Variants in XKRX observed in about 807,000 individuals in gnomAD.
The protein encoded by XKRX is XK-related protein 2.
A neutral mutation model predicts 22.4 loss-of-function variants in XKRX; 11 were observed. The ratio of observed to expected loss-of-function variants is 0.49; its 90% CI spans 0.31 to 0.81. The LOEUF (loss-of-function observed/expected upper bound fraction) is 0.81. Among genes scored for constraint, XKRX ranks in the 40% least tolerant of loss-of-function variants. XKRX has a pLI of 0.05. For synonymous variants in XKRX, 114 were observed against 132.2 expected (o/e 0.86, Z 0.94); for missense variants, 320 against 336.5 (o/e 0.95, Z 0.38).
chrX:100,899,206 A>C, the XKRX span, among the ~76,000 whole-genome samples: 1 of 112,889 alleles, frequency 8.9e-6, no homozygotes, highest in Non-Finnish European at 1.9e-5. Context: ...ATTTTAAATA[A>C]ACTGTCTTAA....
At chrX:100,930,287 T>TTAA (rs59300334), upstream of XKRX, among the ~76,000 whole-genome samples, 14,817 of 85,382 alleles carry the variant, frequency 0.17, 1,150 homozygotes, top group Admixed American at 0.23. Context: ...AGATTACGTC[T>TTAA]TAATAATAAT....
At chrX:100,948,230 A>G in the XKRX span, among the ~76,000 whole-genome samples, 2 of 111,661 alleles carry the variant, frequency 1.8e-5, no homozygotes, top group African/African-American at 3.3e-5. Flanking sequence ...TTTCATTGAC[A>G]ATAAATGCAC....
intron 1 of XKRX, among the ~76,000 whole-genome samples, chrX:100,925,237 T>A (rs962941227): frequency 2.7e-5 from 3 of 111,949 alleles, no homozygotes; most frequent in African/African-American, 9.7e-5. Flanking sequence ...TTTTCTGGTT[T>A]AAGTAAGGGT....
At chrX:100,918,574 A>G (rs1236964820) in intron 2 of XKRX, among the ~76,000 whole-genome samples, 4 of 111,796 alleles carry the variant, frequency 3.6e-5, no homozygotes, top group African/African-American at 1.3e-4. Flanking sequence ...GGAGGCAAAC[A>G]CCCTGAATTC....
rs186476966 is a variant in XKRX at position 100,922,962 on chromosome X, G to A, written c.435C>T (p.Gly145=). Residue 145 remains glycine (G), a synonymous_variant, in exon 2 of 3, where the codon GGC becomes GGT. Transcript: ENST00000372956. ...SLTRKKMLID[G]EEVLIEWEVG... ...CCTCCCATTCTATCAGCACCTCCTC[G>A]CCATCTATTAGCATCTTCTTTCGGG... is the stretch of plus-strand genomic sequence containing the variant. The A allele has an allele frequency of 8.9e-5, 108 of 1,209,645 alleles. No homozygotes were observed. Among genetic ancestry groups the A allele is most frequent in the Non-Finnish European group, 1.1e-4 (97 of 895,094 alleles).
the XKRX span, among the ~76,000 whole-genome samples, chrX:100,889,788 G>C: frequency 9.0e-6 from 1 of 111,527 alleles, no homozygotes; most frequent in African/African-American, 3.3e-5. Context: ...TGGATAGCTT[G>C]AGCCCAGGAG....
At chrX:100,906,757 T>C in the XKRX span, among the ~76,000 whole-genome samples, 1 of 111,369 alleles carries the variant, frequency 9.0e-6, no homozygotes, top group African/African-American at 3.3e-5. Context: ...GAAACAGCCA[T>C]GTCAGAAGGG....
the XKRX span, among the ~76,000 whole-genome samples, chrX:100,948,437 G>GCT: frequency 9.0e-6 from 1 of 111,448 alleles, no homozygotes; most frequent in Non-Finnish European, 1.9e-5. Context: ...GGACAAGGTG[G>GCT]ATTACCTAGA....
At chrX:100,937,488 A>G in the XKRX span, among the ~76,000 whole-genome samples, 1 of 112,094 alleles carries the variant, frequency 8.9e-6, no homozygotes, top group African/African-American at 3.2e-5. Flanking sequence ...GAGAAGGACT[A>G]CTTGCAGACT....
In XKRX at chrX:100,928,242, T is replaced by C; in HGVS notation, c.63A>G (p.Glu21=). 1 of 1,211,864 alleles carries C rather than the reference T, an allele frequency of 8.3e-7. No homozygotes were observed. Among genetic ancestry groups the C allele is most frequent in the Non-Finnish European group, 1.1e-6 (1 of 895,558 alleles). The change falls in exon 1 of 3, where the codon GAA becomes GAG. Residue 21 remains glutamate, a synonymous_variant. Transcript: ENST00000372956. Reference sequence around the variant, plus strand: ...GGGGGTTGGCTCCACGGATGACATCTTCCTCCAGAGATGAAACCGGATCCA... The same window carrying C: ...GGGGGTTGGCTCCACGGATGACATCCTCCTCCAGAGATGAAACCGGATCCA... The part of the protein sequence containing the change: ...PNVDPVSSLE[E]DVIRGANPRF...
chrX:100,889,533 G>A, the XKRX span, among the ~76,000 whole-genome samples: 1 of 110,745 alleles, frequency 9.0e-6, no homozygotes, highest in Admixed American at 9.7e-5. Flanking sequence ...CACTGTGCCT[G>A]GCTAAAAACA....
At position 100,922,961 on chromosome X, in the gene XKRX, C is replaced by T. The variant is rs771011999; in HGVS notation, c.436G>A (p.Glu146Lys). The change falls in exon 2 of 3, where the codon GAG (glutamate) becomes AAG (lysine). Residue 146 changes from glutamate to lysine, a missense_variant. Glu to Lys is a moderately conservative substitution (Grantham distance 56). Coordinates refer to ENST00000372956, the MANE Select transcript of XKRX (RefSeq NM_212559.3). ...ACCTCCCATTCTATCAGCACCTCCT[C>T]GCCATCTATTAGCATCTTCTTTCGG... The part of the protein sequence containing the change: ...LTRKKMLIDG[E>K]EVLIEWEVGH... 2.7e-5 allele frequency: 33 copies of T among 1,209,805 alleles called. No individual in the cohort carries two copies. Among genetic ancestry groups the T allele is most frequent in the Non-Finnish European group, 3.2e-5 (29 of 895,197 alleles).
In XKRX at chrX:100,922,814, C is replaced by T. The variant is rs755301491; in HGVS notation, c.583G>A (p.Ala195Thr). 2.8e-5 allele frequency: 34 copies of T among 1,209,654 alleles called. No individual in the cohort carries two copies. In the East Asian group the frequency reaches 7.4e-4, roughly 26 times the overall value. The change falls in exon 2 of 3, where the codon GCA becomes ACA. Residue 195 changes from alanine to threonine, a missense_variant. By Grantham distance (58) the Ala-to-Thr change is moderately conservative. Coordinates refer to ENST00000372956, the MANE Select transcript of XKRX (RefSeq NM_212559.3). ...TYQLYVSLIS[A>T]EVPLGRVVLM... is the part of the protein sequence containing the mutation. ...TCACCTCTACCCAGGGGAACCTCTG[C>T]AGAGATCAGGCTCACATAGAGCTGA...
At chrX:100,919,045 C>T (rs1404257143) in intron 2 of XKRX, among the ~76,000 whole-genome samples, 1 of 111,749 alleles carries the variant, frequency 8.9e-6, no homozygotes, top group Non-Finnish European at 1.9e-5. Flanking sequence ...TACTGAGGTA[C>T]ATGTTAAAAT....
downstream of XKRX, chrX:100,913,383 TACACACACACAC>T (rs56001687): frequency 6.5e-5 from 6 of 92,361 alleles, no homozygotes; most frequent in Non-Finnish European, 1.3e-4. Flanking sequence ...CACATACACA[TACACACACACAC>T]ACACACACAC....
At chrX:100,932,389 G>T (rs2085524197), upstream of XKRX, among the ~76,000 whole-genome samples, 1 of 111,557 alleles carries the variant, frequency 9.0e-6, no homozygotes, top group South Asian at 3.8e-4. Context: ...AGTCATCTGA[G>T]GTGACACCTA....
At chrX:100,936,514 C>G in the XKRX span, among the ~76,000 whole-genome samples, 1 of 86,100 alleles carries the variant, frequency 1.2e-5, no homozygotes, top group Non-Finnish European at 2.1e-5. Flanking sequence ...GCACTCCAGC[C>G]TGGGCAACAA....
chrX:100,923,037 G>A lies in XKRX; in HGVS notation c.360C>T (p.Tyr120=). 2.5e-6 allele frequency: 3 copies of A among 1,211,745 alleles called. No homozygotes were observed. Among genetic ancestry groups the A allele is most frequent in the Non-Finnish European group, 3.4e-6 (3 of 895,491 alleles). Residue 120 remains tyrosine (Y), a synonymous_variant, in exon 2 of 3, where the codon TAC becomes TAT. Transcript: ENST00000372956. ...GCTCCTCTTTCTTCCACAGTGTGAG[G>A]TACTTAATCATGGCCTCCAAACATC... The part of the protein sequence containing the change: ...VIRCLEAMIK[Y]LTLWKKEEQE...
In XKRX at chrX:100,927,977, C is replaced by A. The variant is rs746078781; in HGVS notation, c.328G>T (p.Val110Phe). Residue 110 changes from valine (V) to phenylalanine (F), a missense_variant, in exon 1 of 3, where the codon GTT (valine) becomes TTT (phenylalanine). Coordinates refer to ENST00000372956, the MANE Select transcript of XKRX (RefSeq NM_212559.3). ...LFMHLILLGP[V>F]IRCLEAMIKY... ...GATTTAAAAGTTGCTCACCTGATAA[C>A]AGGTCCCAAGAGGATTAGATGCATA... 2.4e-5 allele frequency: 29 copies of A among 1,190,186 alleles called. No homozygotes were observed. The highest frequency in any genetic ancestry group is 3.3e-5 in the Non-Finnish European group (29 of 886,629).
Sources: allele counts gnomAD v4.1 joint callset (sites outside exome capture counted in the v4.1 genomes callset), GRCh38; gene constraint gnomAD v4.1.1; transcripts MANE v1.5; gene names NCBI Gene and HGNC (gene_info 2026-07-23, HGNC 2026-07-21).